The following PLCL2 variants were observed in gnomAD, a reference collection of about 807,000 sequenced individuals.
The protein encoded by PLCL2 is phospholipase C like 2, also known as inactive phospholipase C-like protein 2.
In PLCL2, 4 loss-of-function variants were observed where a neutral mutation model predicts 79.6. The ratio of observed to expected loss-of-function variants is 0.05; its 90% CI spans 0.02 to 0.11. The LOEUF (loss-of-function observed/expected upper bound fraction) is 0.11. PLCL2 is among the 10% of genes least tolerant of loss of function. The pLI, the probability that PLCL2 is intolerant of heterozygous loss-of-function variation, is 1.00. For synonymous variants in PLCL2, 484 were observed against 457.7 expected (o/e 1.06, Z -0.73); for missense variants, 895 against 1,291.0 (o/e 0.69, Z 4.70).
chr3:16,938,533 A>G, intron 1 of PLCL2, among the ~76,000 whole-genome samples: 1 of 152,212 alleles, frequency 6.6e-6, no homozygotes, highest in East Asian at 1.9e-4. Flanking sequence ...AAGATTGTGT[A>G]TTAACCATTT....
chr3:16,955,595 T>C (rs1213166709), intron 1 of PLCL2, among the ~76,000 whole-genome samples: 6 of 152,228 alleles, frequency 3.9e-5, no homozygotes, highest in Non-Finnish European at 8.8e-5. Flanking sequence ...GGGGATGGCA[T>C]TGAATCTATA....
chr3:17,045,586 C>T (rs1007066992), intron 4 of PLCL2, among the ~76,000 whole-genome samples: 55 of 152,106 alleles, frequency 3.6e-4, no homozygotes, highest in African/African-American at 1.2e-3. Flanking sequence ...CTCGGAGATG[C>T]GCAGTTGGAG....
chr3:17,012,804 G>A (rs2064341447), intron 2 of PLCL2, among the ~76,000 whole-genome samples: 1 of 152,170 alleles, frequency 6.6e-6, no homozygotes, highest in Non-Finnish European at 1.5e-5. Flanking sequence ...CTAGCCATAC[G>A]CTAGGACCCC....
At chr3:16,925,202 C>T (rs1302235336) in intron 1 of PLCL2, among the ~76,000 whole-genome samples, 3 of 150,088 alleles carry the variant, frequency 2.0e-5, no homozygotes, top group East Asian at 2.0e-4. Flanking sequence ...GGATTACAGG[C>T]GTGAGCCACC....
At chr3:17,046,642 G>A (rs1413671462) in intron 4 of PLCL2, among the ~76,000 whole-genome samples, 1 of 152,150 alleles carries the variant, frequency 6.6e-6, no homozygotes. Flanking sequence ...GACAGTAGAG[G>A]GTTTTTCTTT....
chr3:17,052,257 G>T lies in PLCL2; in HGVS notation c.3094+9308G>T, dbSNP rs917857448. Among the ~76,000 whole-genome samples, 14 of 145,538 alleles carry T rather than the reference G, an allele frequency of 9.6e-5. 1 individual carries two copies. The highest frequency in any genetic ancestry group is 7.0e-4 in the South Asian group (3 of 4,290). ...ATGGCAAAAAAAAAAAAAAAAATTG[G>T]GGGGGGGTGAAGGTCTCAGGTTATG... On this transcript the variant is annotated intron_variant, in intron 4 of 5. Coordinates refer to ENST00000615277, the MANE Select transcript of PLCL2 (RefSeq NM_001144382.2).
intron 1 of PLCL2, among the ~76,000 whole-genome samples, chr3:16,957,198 G>A (rs899054721): frequency 2.0e-5 from 3 of 151,870 alleles, no homozygotes; most frequent in Non-Finnish European, 4.4e-5. Flanking sequence ...ACACTGCTTT[G>A]AATGTGTCCC....
At chr3:17,008,815 GTTTC>G (rs1164943588) in intron 1 of PLCL2, among the ~76,000 whole-genome samples, 1 of 151,996 alleles carries the variant, frequency 6.6e-6, no homozygotes, top group Non-Finnish European at 1.5e-5. Flanking sequence ...TCTGAAAATT[GTTTC>G]TTTCTTTCTA....
At chr3:16,997,273 C>T (rs1172172686) in intron 1 of PLCL2, among the ~76,000 whole-genome samples, 1 of 152,142 alleles carries the variant, frequency 6.6e-6, no homozygotes, top group East Asian at 1.9e-4. Flanking sequence ...GGAGATAAGA[C>T]TGACCCACAT....
intron 1 of PLCL2, among the ~76,000 whole-genome samples, chr3:16,977,949 C>A (rs951232844): frequency 2.3e-4 from 35 of 152,176 alleles, no homozygotes; most frequent in African/African-American, 8.4e-4. Context: ...CTTCATGCCT[C>A]TTTTATAAGG....
At chr3:16,979,271 T>A (rs1167984912) in intron 1 of PLCL2, among the ~76,000 whole-genome samples, 1 of 152,106 alleles carries the variant, frequency 6.6e-6, no homozygotes, top group Non-Finnish European at 1.5e-5. Flanking sequence ...GTATTTTGCA[T>A]ATATGAACCC....
intron 3 of PLCL2, among the ~76,000 whole-genome samples, chr3:17,033,879 T>G (rs1056077419): frequency 6.6e-6 from 1 of 152,190 alleles, no homozygotes; most frequent in African/African-American, 2.4e-5. Context: ...ATGTCTTTTT[T>G]TATGTGTCAC....
intron 1 of PLCL2, among the ~76,000 whole-genome samples, chr3:17,002,079 A>T (rs767606896): frequency 6.6e-6 from 1 of 152,150 alleles, no homozygotes; most frequent in Admixed American, 6.6e-5. Flanking sequence ...GGTTACATTT[A>T]TTCCTATTTA....
intron 4 of PLCL2, among the ~76,000 whole-genome samples, chr3:17,065,583 T>C (rs896203054): frequency 5.9e-5 from 9 of 152,220 alleles, no homozygotes; most frequent in African/African-American, 2.2e-4. Flanking sequence ...CAAGGCACCA[T>C]AAACAGTCTG....
intron 1 of PLCL2, among the ~76,000 whole-genome samples, chr3:16,958,494 A>G (rs554423576): frequency 3.3e-5 from 5 of 152,344 alleles, no homozygotes; most frequent in African/African-American, 1.2e-4. Context: ...TCCATCTGCT[A>G]TTTAACTTTG....
intron 1 of PLCL2, among the ~76,000 whole-genome samples, chr3:16,991,291 A>G (rs1381914375): frequency 6.6e-6 from 1 of 152,214 alleles, no homozygotes; most frequent in Non-Finnish European, 1.5e-5. Context: ...TTGAGGATTC[A>G]TAATAGTAGC....
chr3:16,902,826 C>CAAAAAA (rs777160871), intron 1 of PLCL2, among the ~76,000 whole-genome samples: 2 of 73,690 alleles, frequency 2.7e-5, no homozygotes, highest in African/African-American at 4.1e-5. Context: ...CACTCCATCT[C>CAAAAAA]AAAAAAAAAA....
intron 1 of PLCL2, among the ~76,000 whole-genome samples, chr3:16,932,336 G>T (rs1157591241): frequency 2.6e-5 from 4 of 152,044 alleles, no homozygotes; most frequent in African/African-American, 7.2e-5. Context: ...CCTTTGTTTG[G>T]GAATAACATG....
At chr3:16,904,108 T>C (rs1272529574) in intron 1 of PLCL2, among the ~76,000 whole-genome samples, 1 of 152,192 alleles carries the variant, frequency 6.6e-6, no homozygotes, top group Non-Finnish European at 1.5e-5. Context: ...GGGTAGCTAA[T>C]CTGGCTTTGC....
Sources: allele counts gnomAD v4.1 joint callset (sites outside exome capture counted in the v4.1 genomes callset), GRCh38; gene constraint gnomAD v4.1.1; transcripts MANE v1.5; gene names NCBI Gene and HGNC (gene_info 2026-07-23, HGNC 2026-07-21).